SLC8A1: variants seen among roughly 807,000 people sequenced by gnomAD.
SLC8A1 encodes solute carrier family 8 member A1, also known as sodium/calcium exchanger 1.
Under a neutral mutation model 68.3 loss-of-function variants are expected in SLC8A1, and 18 were observed. That is an observed-to-expected ratio of 0.26 (90% CI 0.18 to 0.39). The LOEUF (loss-of-function observed/expected upper bound fraction) is 0.39. Among genes scored for constraint, SLC8A1 ranks in the 10% least tolerant of loss-of-function variants. The probability of loss-of-function intolerance (pLI) is 1.00; values close to 1 mark genes in which losing one functional copy is unlikely to be tolerated. For synonymous variants in SLC8A1, 475 were observed against 415.5 expected, an observed-to-expected ratio of 1.14 and a Z score of -1.74; for missense variants, 985 against 1,156.7, an observed-to-expected ratio of 0.85 and a Z score of 2.15.
At chr2:40,242,582 G>A (rs1018060637) in intron 2 of SLC8A1, among the ~76,000 whole-genome samples, 1 of 152,192 alleles carries the variant, frequency 6.6e-6, no homozygotes, top group African/African-American at 2.4e-5. Flanking sequence ...CGTCTTGAAT[G>A]TCAAAGGTCT....
chr2:40,214,823 T>G (rs764637695), intron 2 of SLC8A1, among the ~76,000 whole-genome samples: 3 of 152,116 alleles, frequency 2.0e-5, no homozygotes, highest in Non-Finnish European at 2.9e-5. Flanking sequence ...GAATAACATA[T>G]GGTAGGCATT....
intron 7 of SLC8A1, among the ~76,000 whole-genome samples, chr2:40,121,162 C>G (rs994476110): frequency 6.6e-6 from 1 of 152,214 alleles, no homozygotes; most frequent in East Asian, 1.9e-4. Flanking sequence ...TGTATTCTCT[C>G]TCTTGGGCAT....
intron 2 of SLC8A1, among the ~76,000 whole-genome samples, chr2:40,230,582 T>C (rs2059529716): frequency 1.3e-5 from 2 of 152,168 alleles, no homozygotes; most frequent in South Asian, 4.1e-4. Context: ...GTGTGCAAAT[T>C]AGAAATGGTT....
intron 1 of SLC8A1, among the ~76,000 whole-genome samples, chr2:40,441,412 CTT>C (rs1700463583): frequency 6.6e-6 from 1 of 150,924 alleles, no homozygotes; most frequent in Admixed American, 6.6e-5. Context: ...AAAAAAACTA[CTT>C]TAAGTTTCAT....
chr2:40,322,680 A>AATAATG (rs902955972), intron 2 of SLC8A1, among the ~76,000 whole-genome samples: 2 of 151,874 alleles, frequency 1.3e-5, no homozygotes, highest in Non-Finnish European at 2.9e-5. Flanking sequence ...TATCTCTAAA[A>AATAATG]ATAATGATAA....
intron 2 of SLC8A1, among the ~76,000 whole-genome samples, chr2:40,238,323 G>T (rs1464701946): frequency 3.9e-5 from 6 of 152,192 alleles, no homozygotes; most frequent in African/African-American, 1.4e-4. Flanking sequence ...CGTTTTTTAA[G>T]CCCGTTGGAA....
At chr2:40,352,293 G>C (rs1385169931) in intron 2 of SLC8A1, among the ~76,000 whole-genome samples, 1 of 152,104 alleles carries the variant, frequency 6.6e-6, no homozygotes, top group Non-Finnish European at 1.5e-5. Context: ...AGAAAATTAA[G>C]AACATTATCT....
intron 1 of SLC8A1, among the ~76,000 whole-genome samples, chr2:40,505,543 C>T (rs186894076): frequency 5.3e-5 from 8 of 151,962 alleles, no homozygotes; most frequent in Admixed American, 4.6e-4. Flanking sequence ...GGAAAATGCT[C>T]ATAGAGCTCA....
At chr2:40,328,837 G>C (rs1432731671) in intron 2 of SLC8A1, among the ~76,000 whole-genome samples, 5 of 152,006 alleles carry the variant, frequency 3.3e-5, no homozygotes, top group African/African-American at 4.8e-5. Context: ...TCCCCCATCT[G>C]ATCTGCTTGC....
intron 2 of SLC8A1, among the ~76,000 whole-genome samples, chr2:40,234,067 G>T (rs1163928743): frequency 6.6e-6 from 1 of 152,214 alleles, no homozygotes; most frequent in Non-Finnish European, 1.5e-5. Context: ...GCTTAGGACT[G>T]ACTTGGTGAT....
chr2:40,273,714 T>C (rs931470777), intron 2 of SLC8A1, among the ~76,000 whole-genome samples: 1 of 152,220 alleles, frequency 6.6e-6, no homozygotes, highest in Non-Finnish European at 1.5e-5. Context: ...TAAATGACAC[T>C]ACAGTAATTC....
intron 2 of SLC8A1, among the ~76,000 whole-genome samples, chr2:40,292,554 C>T (rs563127682): frequency 5.9e-5 from 9 of 152,242 alleles, no homozygotes; most frequent in Non-Finnish European, 1.3e-4. Context: ...CAAATCTATC[C>T]CAGGAAGGCT....
At chr2:40,475,743 T>C (rs1365932545) in intron 1 of SLC8A1, among the ~76,000 whole-genome samples, 1 of 152,110 alleles carries the variant, frequency 6.6e-6, no homozygotes, top group Non-Finnish European at 1.5e-5. Context: ...CTTTAGTTGC[T>C]GAAGGATCTC....
chr2:40,235,552 T>C (rs2060253058), intron 2 of SLC8A1, among the ~76,000 whole-genome samples: 2 of 152,240 alleles, frequency 1.3e-5, no homozygotes, highest in East Asian at 3.9e-4. Flanking sequence ...AAAAACCAGC[T>C]CCTGGATTCA....
At chr2:40,131,525 G>T (rs148438195) in intron 7 of SLC8A1, among the ~76,000 whole-genome samples, 13 of 152,150 alleles carry the variant, frequency 8.5e-5, no homozygotes, top group African/African-American at 2.4e-4. Flanking sequence ...TTTTGTGTTC[G>T]CTCCTGACCA....
At chr2:40,285,035 C>A (rs1175056035) in intron 2 of SLC8A1, among the ~76,000 whole-genome samples, 2 of 152,128 alleles carry the variant, frequency 1.3e-5, no homozygotes, top group Admixed American at 1.3e-4. Context: ...GCCTCTCACA[C>A]AATCATCTTT....
At chr2:40,178,927 A>G (rs1372348412) in intron 2 of SLC8A1, among the ~76,000 whole-genome samples, 1 of 152,222 alleles carries the variant, frequency 6.6e-6, no homozygotes, top group Non-Finnish European at 1.5e-5. Context: ...GTTATCTCTG[A>G]GCAATTGGCT....
chr2:40,287,009 A>G (rs2068426872), intron 2 of SLC8A1, among the ~76,000 whole-genome samples: 1 of 152,214 alleles, frequency 6.6e-6, no homozygotes, highest in Non-Finnish European at 1.5e-5. Context: ...AGGGTTCTCA[A>G]GTAATATCCA....
intron 2 of SLC8A1, among the ~76,000 whole-genome samples, chr2:40,374,356 T>C (rs868132694): frequency 3.9e-4 from 59 of 151,806 alleles, no homozygotes; most frequent in Admixed American, 2.0e-3. Context: ...TGTATTTATA[T>C]ATATATTTAT....
Sources: gnomAD v4.1 joint callset for allele counts (sites outside exome capture counted in the v4.1 genomes callset) on GRCh38, gnomAD v4.1.1 for gene constraint, MANE v1.5 for transcripts, NCBI Gene and HGNC (gene_info 2026-07-23, HGNC 2026-07-21) for gene names.